Variants in CDKL4 observed in about 807,000 individuals in gnomAD.
CDKL4 encodes the protein cyclin dependent kinase like 4, also known as cyclin-dependent kinase-like 4.
A neutral mutation model predicts 42.0 loss-of-function variants in CDKL4; 44 were observed. The observed-to-expected ratio is 1.05, with a 90% CI of 0.82 to 1.35. CDKL4 has a LOEUF of 1.35. CDKL4 is among the 40% of genes most tolerant of loss of function. CDKL4 has a pLI of 0.00. For missense variants in CDKL4, 393 were observed against 369.9 expected, an observed-to-expected ratio of 1.06 and a Z score of -0.51; for synonymous variants, 120 against 121.6, an observed-to-expected ratio of 0.99 and a Z score of 0.09.
chr2:39,195,924 T>G (rs1390496721), intron 5 of CDKL4, among the ~76,000 whole-genome samples: 1 of 152,150 alleles, frequency 6.6e-6, no homozygotes, highest in Non-Finnish European at 1.5e-5. Context: ...GTGTGGAGAC[T>G]TACATCATGA....
At chr2:39,173,675 T>C (rs1675059905), downstream of CDKL4, among the ~76,000 whole-genome samples, 2 of 151,746 alleles carry the variant, frequency 1.3e-5, no homozygotes, top group South Asian at 4.2e-4. Context: ...TCGGGCGTGG[T>C]GGTGGGCGCC....
chr2:39,185,432 G>A (rs1228498369), intron 7 of CDKL4, among the ~76,000 whole-genome samples: 1 of 16,684 alleles, frequency 6.0e-5, no homozygotes, highest in Non-Finnish European at 2.5e-4. Flanking sequence ...ATATACATAT[G>A]TATATATACA....
At chr2:39,246,690 C>T (rs1022182756), upstream of CDKL4, among the ~76,000 whole-genome samples, 2 of 152,170 alleles carry the variant, frequency 1.3e-5, no homozygotes, top group Non-Finnish European at 2.9e-5. Context: ...CTTCATCTAT[C>T]AACAACCTGG....
chr2:39,193,573 C>T (rs1285682439), intron 5 of CDKL4, among the ~76,000 whole-genome samples: 1 of 152,014 alleles, frequency 6.6e-6, no homozygotes, highest in African/African-American at 2.4e-5. Flanking sequence ...CGGGGTTTCT[C>T]CATGTGGGTC....
exon 1 of CDKL4, among the ~76,000 whole-genome samples, chr2:39,243,872 G>A (rs534933110): frequency 6.6e-6 from 1 of 152,352 alleles, no homozygotes; most frequent in Non-Finnish European, 1.5e-5. Context: ...CGCACTTACT[G>A]CACCCACAGG....
the CDKL4 span, among the ~76,000 whole-genome samples, chr2:39,169,084 C>T: frequency 0.048 from 7,335 of 152,128 alleles, 299 homozygotes; most frequent in African/African-American, 0.1. Flanking sequence ...CAAAAATGTA[C>T]ACAATTCAGA....
exon 6 of CDKL4, chr2:39,190,349 C>G: frequency 6.2e-7 from 1 of 1,614,124 alleles, no homozygotes; most frequent in Non-Finnish European, 8.5e-7. Flanking sequence ...ATCTGATTTT[C>G]CAGGCCACAG....
intron 5 of CDKL4, among the ~76,000 whole-genome samples, chr2:39,197,455 C>A (rs1190342375): frequency 3.3e-5 from 5 of 152,188 alleles, no homozygotes; most frequent in African/African-American, 1.2e-4. Flanking sequence ...GAGATCTAGA[C>A]ATCCAAATAC....
downstream of CDKL4, among the ~76,000 whole-genome samples, chr2:39,173,465 C>T (rs984752658): frequency 2.6e-5 from 4 of 151,908 alleles, no homozygotes; most frequent in Admixed American, 1.3e-4. Context: ...TTGCTTGAGC[C>T]CAGGAGTTTG....
At chr2:39,240,950 G>A (rs910999250) in intron 1 of CDKL4, among the ~76,000 whole-genome samples, 5 of 152,276 alleles carry the variant, frequency 3.3e-5, no homozygotes, top group African/African-American at 7.2e-5. Context: ...GAATGTCAAC[G>A]TCATGAAAGA....
intron 7 of CDKL4, among the ~76,000 whole-genome samples, chr2:39,185,397 T>TATATAC (rs1675742828): frequency 3.5e-5 from 1 of 28,578 alleles, no homozygotes; most frequent in African/African-American, 8.7e-5. Flanking sequence ...CATGTATATA[T>TATATAC]ACATATGTGT....
intron 7 of CDKL4, among the ~76,000 whole-genome samples, chr2:39,185,036 A>G (rs1675642762): frequency 6.7e-6 from 1 of 149,930 alleles, no homozygotes; most frequent in Non-Finnish European, 1.5e-5. Context: ...CACCTGGCCT[A>G]TATTTTGAAT....
chr2:39,206,592 C>T (rs1451793354), intron 4 of CDKL4, among the ~76,000 whole-genome samples: 1 of 152,166 alleles, frequency 6.6e-6, no homozygotes, highest in Non-Finnish European at 1.5e-5. Context: ...CCGTACCCTT[C>T]AGGACTTTAC....
At chr2:39,177,311 C>A (rs1462532085) in intron 9 of CDKL4, among the ~76,000 whole-genome samples, 1 of 152,080 alleles carries the variant, frequency 6.6e-6, no homozygotes, top group African/African-American at 2.4e-5. Context: ...TGACAGATTC[C>A]CAGGTAGACA....
At chr2:39,168,788 C>A in the CDKL4 span, among the ~76,000 whole-genome samples, 1 of 149,964 alleles carries the variant, frequency 6.7e-6, no homozygotes, top group East Asian at 2.0e-4. Context: ...GACACAGTCT[C>A]ACTCTGTTGC....
Position 39,190,583 on chromosome 2 carries a change from C to T in CDKL4, c.455-81G>A, listed in dbSNP as rs183362223. Reference sequence around the variant, plus strand: ...CCCAAGAACACATCAGGCATTCAGGCTGCAATAACCATCAGAGGCCATGAT... The same window carrying T: ...CCCAAGAACACATCAGGCATTCAGGTTGCAATAACCATCAGAGGCCATGAT... On this transcript the variant is annotated intron_variant, in intron 5 of 9. Coordinates refer to ENST00000451199, the Ensembl canonical transcript of CDKL4. 6.8e-4 allele frequency: 804 copies of T among 1,175,506 alleles called. 10 individuals are homozygous for T. The East Asian group carries it at 0.015, about 22-fold the overall frequency. 72.8% of individuals were successfully genotyped at this position (1,175,506 alleles called of 1,614,324 possible).
intron 3 of CDKL4, among the ~76,000 whole-genome samples, chr2:39,217,314 T>C (rs981174763): frequency 6.6e-6 from 1 of 152,150 alleles, no homozygotes; most frequent in African/African-American, 2.4e-5. Flanking sequence ...AAAGCAAACA[T>C]GAGACATCAC....
At chr2:39,196,761 C>T (rs941617998) in intron 5 of CDKL4, among the ~76,000 whole-genome samples, 1 of 152,146 alleles carries the variant, frequency 6.6e-6, no homozygotes, top group Admixed American at 6.6e-5. Context: ...GTACGTGCTG[C>T]CACGCCCGGC....
intron 3 of CDKL4, among the ~76,000 whole-genome samples, chr2:39,221,158 T>G (rs1296144119): frequency 6.7e-6 from 1 of 149,744 alleles, no homozygotes; most frequent in African/African-American, 2.5e-5. Flanking sequence ...GGACTACAGG[T>G]GCCCGCCACC....
Sources: allele counts gnomAD v4.1 joint callset (sites outside exome capture counted in the v4.1 genomes callset), GRCh38; gene constraint gnomAD v4.1.1; transcripts MANE v1.5; gene names NCBI Gene and HGNC (gene_info 2026-07-23, HGNC 2026-07-21).